The following SUPT6H variants were observed in gnomAD, a reference collection of about 807,000 sequenced individuals.
SUPT6H encodes the protein SPT6 homolog, histone chaperone and transcription elongation factor.
A neutral mutation model predicts 222.3 loss-of-function variants in SUPT6H; 11 were observed. The ratio of observed to expected loss-of-function variants is 0.05; its 90% CI spans 0.03 to 0.08. The LOEUF is 0.08. SUPT6H is among the 10% of genes least tolerant of loss of function. The pLI is 1.00. For synonymous variants in SUPT6H, 762 were observed against 801.2 expected (o/e 0.95, Z 0.83); for missense variants, 1,422 against 2,216.0 (o/e 0.64, Z 7.19).
In SUPT6H at chr17:28,684,667, A is replaced by T. The variant is rs1196819471; in HGVS notation, c.2311A>T (p.Met771Leu). 6.2e-7 allele frequency: 1 copy of T among 1,614,168 alleles called. No homozygotes were observed. The highest frequency in any genetic ancestry group is 8.5e-7 in the Non-Finnish European group (1 of 1,180,044). The change falls in exon 18 of 37, where the codon ATG (methionine) becomes TTG (leucine). Residue 771 changes from methionine to leucine, a missense_variant. By Grantham distance (15) the Met-to-Leu change is conservative (BLOSUM62 2). This residue lies in a region of SUPT6H where 294 missense variants were observed against 382.1 expected (regional missense o/e 0.77). Coordinates refer to ENST00000314616, the MANE Select transcript of SUPT6H (RefSeq NM_003170.5). The part of the protein sequence containing the change: ...DQQVEEDDDF[M>L]DENQGKGIRV... ...GCAGGTGGAAGAAGATGACGACTTT[A>T]TGGACGAGAACCAAGGGAAGGGCAT...
At chr17:28,667,394 A>AAGG (rs1555546879) in intron 1 of SUPT6H, among the ~76,000 whole-genome samples, 4 of 59,336 alleles carry the variant, frequency 6.7e-5, no homozygotes, top group African/African-American at 1.3e-4. Context: ...AAAAAAAAAA[A>AAGG]GTGTGTGTGT....
Position 28,683,739 on chromosome 17 carries a change from C to A in SUPT6H, c.2152C>A (p.Gln718Lys). ...CACCATGGCCATCGAACGGGCTTTA[C>A]AGCAGTTCCTCTATGTGCAGATGGC... ...QRTMAIERAL[Q>K]QFLYVQMAKE... is the part of the protein sequence containing the mutation. Residue 718 changes from glutamine to lysine, a missense_variant, in exon 17 of 37, where the codon CAG (glutamine) becomes AAG (lysine). Around this residue, in one of 13 missense-constraint regions of SUPT6H, gnomAD observed 294 missense variants for 382.1 expected, o/e 0.77. Transcript: ENST00000314616. 6.2e-7 allele frequency: 1 copy of A among 1,614,122 alleles called. No homozygotes were observed. Among genetic ancestry groups the A allele is most frequent in the African/African-American group, 1.3e-5 (1 of 75,032 alleles).
At chr17:28,697,816 G>A in intron 31 of SUPT6H, 83 bp downstream of exon 31, 3 of 1,605,922 alleles carry the variant, frequency 1.9e-6, no homozygotes, top group Non-Finnish European at 2.6e-6. Flanking sequence ...GGACACTCAG[G>A]CGGTGAAGGA....
chr17:28,675,661 G>T (rs1442426360), intron 6 of SUPT6H, among the ~76,000 whole-genome samples, 176 bp downstream of exon 6: 1 of 152,204 alleles, frequency 6.6e-6, no homozygotes, highest in African/African-American at 2.4e-5. Context: ...GAAGCCCTGG[G>T]AGCTGTCTCT....
In SUPT6H at chr17:28,684,802, A is replaced by G. The variant is rs187207254; in HGVS notation, c.2370-42A>G. On this transcript the variant is annotated intron_variant, in intron 18 of 36. Coordinates refer to ENST00000314616, the MANE Select transcript of SUPT6H (RefSeq NM_003170.5). ...ATTTTTCTCTCATTCATAACTTCAT[A>G]TTGCTGATTATTGCATTCTTGTTTT... The G allele has an allele frequency of 1.1e-3, 1,816 of 1,613,490 alleles. 1 individual carries two copies. Among genetic ancestry groups the G allele is most frequent in the Non-Finnish European group, 1.4e-3 (1,617 of 1,179,522 alleles).
At chr17:28,676,454 C>T (rs776430444) in intron 7 of SUPT6H, 24 bp downstream of exon 7, 1 of 1,612,218 alleles carries the variant, frequency 6.2e-7, no homozygotes, top group Admixed American at 1.7e-5. Flanking sequence ...AGCCTCTGCT[C>T]TTCTACCAAT....
intron 1 of SUPT6H, among the ~76,000 whole-genome samples, chr17:28,669,226 A>G (rs2030267718): frequency 6.6e-6 from 1 of 152,148 alleles, no homozygotes; most frequent in Non-Finnish European, 1.5e-5. Context: ...TTGTTTTGAG[A>G]CGGAGTCTCA....
Position 28,696,873 on chromosome 17 carries a change from T to G in SUPT6H, c.4000T>G (p.Ser1334Ala), listed in dbSNP as rs769358276. Residue 1334 changes from serine (S) to alanine (A), a missense_variant, in exon 30 of 37, where the codon TCC becomes GCC. By Grantham distance (99) the Ser-to-Ala change is moderately conservative (BLOSUM62 1). Coordinates refer to ENST00000314616, the MANE Select transcript of SUPT6H (RefSeq NM_003170.5). ...CATCAAGAGAGTGATCGCACACCCA[T>G]CCTTCCATAATATCAATTTCAAGCA... ...TYIKRVIAHP[S>A]FHNINFKQAE... 6.2e-7 allele frequency: 1 copy of G among 1,613,804 alleles called. No homozygotes were observed. Among genetic ancestry groups the G allele is most frequent in the Non-Finnish European group, 8.5e-7 (1 of 1,180,002 alleles).
intron 7 of SUPT6H, 151 bp from the exon 8 acceptor site, chr17:28,677,564 T>C: frequency 1.5e-6 from 1 of 660,866 alleles, no homozygotes. Flanking sequence ...AAAATGCTTA[T>C]TTCATGCCAG....
chr17:28,676,820 A>T (rs1023782774), intron 7 of SUPT6H, among the ~76,000 whole-genome samples: 1 of 151,956 alleles, frequency 6.6e-6, no homozygotes, highest in African/African-American at 2.4e-5. Context: ...TCAGCCACTC[A>T]GGAGGCTGAG....
intron 13 of SUPT6H, chr17:28,682,332 T>G: frequency 3.6e-6 from 1 of 278,944 alleles, no homozygotes; most frequent in Non-Finnish European, 6.8e-6. Context: ...CCTCTTTAAA[T>G]TCCAGTGCTC....
At chr17:28,679,029 C>T (rs745349486) in intron 11 of SUPT6H, 66 bp downstream of exon 11, 4 of 1,597,486 alleles carry the variant, frequency 2.5e-6, no homozygotes, top group South Asian at 2.2e-5. Context: ...CCTGCAGGAG[C>T]ACTGTTAAAC....
rs557563855 is a variant in SUPT6H, at chr17:28,669,747, C to T, written c.-31-3624C>T. Among the ~76,000 whole-genome samples the T allele has an allele frequency of 4.6e-5, 7 of 152,264 alleles. No homozygotes were observed. The East Asian group carries it at 1.4e-3, about 29-fold the overall frequency. On this transcript the variant is annotated intron_variant, in intron 1 of 36. Transcript: ENST00000314616. ...GTCAGGAGTTCGAGACCAGCCTGGCCAATATGGCCAAACCCCATCTCTACT... is the reference window on the plus strand; with the variant it reads ...GTCAGGAGTTCGAGACCAGCCTGGCTAATATGGCCAAACCCCATCTCTACT...
rs774144278 is a variant in SUPT6H, at chr17:28,681,244, C to T, written c.1350-12C>T. ...CAGTGATGACTGAAACCTTATGTCT[C>T]TTCTTTTTCAGGCTCAAGGATGTCC... On this transcript the variant is annotated splice_polypyrimidine_tract_variant and intron_variant, in intron 11 of 36. Coordinates refer to ENST00000314616, the MANE Select transcript of SUPT6H (RefSeq NM_003170.5). The T allele has an allele frequency of 2.2e-5, 36 of 1,613,360 alleles. No homozygotes were observed. Among genetic ancestry groups the T allele is most frequent in the Non-Finnish European group, 2.9e-5 (34 of 1,179,898 alleles).
At chr17:28,682,016 G>C in intron 13 of SUPT6H, 36 bp downstream of exon 13, 1 of 1,550,716 alleles carries the variant, frequency 6.4e-7, no homozygotes, top group Non-Finnish European at 8.8e-7. Context: ...AGGCATTCTA[G>C]CCTGAGCAAG....
intron 13 of SUPT6H, among the ~76,000 whole-genome samples, chr17:28,682,448 A>C (rs1026524458): frequency 1.3e-5 from 2 of 151,960 alleles, no homozygotes; most frequent in African/African-American, 4.8e-5. Context: ...AACGTAGCAA[A>C]ACTACAAAAA....
intron 5 of SUPT6H, 85 bp from the exon 6 acceptor site, chr17:28,675,316 G>A (rs1248873147): frequency 2.0e-6 from 3 of 1,516,936 alleles, no homozygotes; most frequent in Non-Finnish European, 2.7e-6. Flanking sequence ...GTTGCTCACT[G>A]GCCACTCACA....
chr17:28,690,901 T>A lies in SUPT6H; in HGVS notation c.3491-20T>A, dbSNP rs1440910304. On this transcript the variant is annotated intron_variant, in intron 26 of 36. Transcript: ENST00000314616. ...CCACATTCTCTGAGCCTGCTCCCCA[T>A]CCTCTTTTCCTTCTTGCAGGAAAGC... 2 of 1,609,916 alleles carry A rather than the reference T, an allele frequency of 1.2e-6. No homozygotes were observed. Among genetic ancestry groups the A allele is most frequent in the South Asian group, 2.2e-5 (2 of 90,938 alleles).
intron 28 of SUPT6H, among the ~76,000 whole-genome samples, chr17:28,694,241 G>A (rs2031798907): frequency 6.6e-6 from 1 of 152,166 alleles, no homozygotes; most frequent in Non-Finnish European, 1.5e-5. Flanking sequence ...GGAGCCTCTG[G>A]ATCCTCTAGG....
Sources: gnomAD v4.1 joint callset for allele counts (sites outside exome capture counted in the v4.1 genomes callset) on GRCh38, gnomAD v4.1.1 for gene constraint, gnomAD v4.1.1 regional missense constraint, MANE v1.5 for transcripts, NCBI Gene and HGNC (gene_info 2026-07-23, HGNC 2026-07-21) for gene names.